HS6ST3: variants seen among roughly 807,000 people sequenced by gnomAD.
HS6ST3 encodes heparan sulfate 6-O-sulfotransferase 3, also known as heparan-sulfate 6-O-sulfotransferase 3.
Under a neutral mutation model 36.7 loss-of-function variants are expected in HS6ST3, and 12 were observed. The observed-to-expected ratio is 0.33, with a 90% confidence interval of 0.21 to 0.53. HS6ST3 has a LOEUF of 0.53. Ranked by LOEUF, HS6ST3 falls within the 20% of genes least tolerant of loss-of-function variation. The pLI is 0.95. For missense variants in HS6ST3, 584 were observed against 640.9 expected, an observed-to-expected ratio of 0.91 and a Z score of 0.96; for synonymous variants, 240 against 257.5, an observed-to-expected ratio of 0.93 and a Z score of 0.65.
intron 1 of HS6ST3, among the ~76,000 whole-genome samples, chr13:96,742,389 C>A (rs1421921202): frequency 6.6e-6 from 1 of 151,914 alleles, no homozygotes; most frequent in Non-Finnish European, 1.5e-5. Flanking sequence ...CTTTTGAATA[C>A]AAGAAAATTA....
intron 1 of HS6ST3, among the ~76,000 whole-genome samples, chr13:96,398,627 C>T (rs1400700450): frequency 2.0e-5 from 3 of 152,122 alleles, no homozygotes; most frequent in East Asian, 3.9e-4. Context: ...AGGTTGCTAT[C>T]GTAACACAAT....
At chr13:96,534,463 TGGTTGTTAG>T (rs1489457538) in intron 1 of HS6ST3, among the ~76,000 whole-genome samples, 1 of 152,220 alleles carries the variant, frequency 6.6e-6, no homozygotes, top group Non-Finnish European at 1.5e-5. Flanking sequence ...CCATCCCGTG[TGGTTGTTAG>T]GGGGTCTAAA....
chr13:96,716,712 T>A lies in HS6ST3; in HGVS notation c.708-115778T>A, dbSNP rs143980536. 1.1e-4 allele frequency among the ~76,000 whole-genome samples: 17 copies of A among 152,326 alleles called. No individual in the cohort carries two copies. In the East Asian group the frequency reaches 3.3e-3, roughly 29 times the overall value. On this transcript the variant is annotated intron_variant, in intron 1 of 1. Transcript: ENST00000376705. Reference sequence around the variant, plus strand: ...TCCATCTATATAATCTAGATATCTATCTATCTAAATATATGCCTATCTCTA... The same window carrying A: ...TCCATCTATATAATCTAGATATCTAACTATCTAAATATATGCCTATCTCTA...
chr13:96,241,117 C>A (rs1198505913), intron 1 of HS6ST3, among the ~76,000 whole-genome samples: 1 of 145,988 alleles, frequency 6.8e-6, no homozygotes, highest in Non-Finnish European at 1.5e-5. Flanking sequence ...GGTAATAAAT[C>A]TTTTTGCAAA....
At chr13:96,387,457 G>A (rs1594768981) in intron 1 of HS6ST3, among the ~76,000 whole-genome samples, 1 of 152,160 alleles carries the variant, frequency 6.6e-6, no homozygotes, top group Non-Finnish European at 1.5e-5. Context: ...AATACTTCTT[G>A]TGGAGCTATT....
chr13:96,642,439 G>A (rs1461557572), intron 1 of HS6ST3, among the ~76,000 whole-genome samples: 1 of 151,366 alleles, frequency 6.6e-6, no homozygotes, highest in Non-Finnish European at 1.5e-5. Flanking sequence ...ATCAAATTTG[G>A]AAGTTTCTGC....
chr13:96,119,326 A>T (rs1352536626), intron 1 of HS6ST3, among the ~76,000 whole-genome samples: 1 of 152,144 alleles, frequency 6.6e-6, no homozygotes, highest in East Asian at 1.9e-4. Flanking sequence ...TGATTTTTTT[A>T]AATTGGAAAA....
At chr13:96,642,106 G>A (rs1313985812) in intron 1 of HS6ST3, among the ~76,000 whole-genome samples, 1 of 151,644 alleles carries the variant, frequency 6.6e-6, no homozygotes, top group East Asian at 1.9e-4. Context: ...AGGGGGGAGG[G>A]ATGTCTTAAT....
intron 1 of HS6ST3, among the ~76,000 whole-genome samples, chr13:96,429,765 GT>G (rs2055605478): frequency 6.6e-6 from 1 of 152,180 alleles, no homozygotes; most frequent in South Asian, 2.1e-4. Flanking sequence ...TAGTCTGTAG[GT>G]TCGATAGAAA....
At chr13:96,099,919 A>G (rs1237473940) in intron 1 of HS6ST3, among the ~76,000 whole-genome samples, 1 of 152,224 alleles carries the variant, frequency 6.6e-6, no homozygotes, top group Non-Finnish European at 1.5e-5. Context: ...AAGAGCAAAC[A>G]CGGTTTGAAA....
chr13:96,591,961 G>C (rs1022151112), intron 1 of HS6ST3, among the ~76,000 whole-genome samples: 1 of 151,942 alleles, frequency 6.6e-6, no homozygotes, highest in Admixed American at 6.6e-5. Flanking sequence ...ATCATCAAAT[G>C]GTTTTGTACT....
chr13:96,335,993 T>A (rs1031912759), intron 1 of HS6ST3, among the ~76,000 whole-genome samples: 2 of 152,210 alleles, frequency 1.3e-5, no homozygotes, highest in African/African-American at 4.8e-5. Context: ...CAGTATTTTC[T>A]TAGTTATTTA....
chr13:96,647,009 C>T (rs1394285080), intron 1 of HS6ST3, among the ~76,000 whole-genome samples: 1 of 151,904 alleles, frequency 6.6e-6, no homozygotes, highest in Non-Finnish European at 1.5e-5. Flanking sequence ...AGCTGAGCTT[C>T]CCTAAGAGTG....
chr13:96,168,057 GT>G (rs2054169554), intron 1 of HS6ST3, among the ~76,000 whole-genome samples: 1 of 152,044 alleles, frequency 6.6e-6, no homozygotes, highest in Non-Finnish European at 1.5e-5. Context: ...CAGTAATATT[GT>G]GTTTCTTAAA....
At chr13:96,741,133 A>G (rs2138485013) in intron 1 of HS6ST3, among the ~76,000 whole-genome samples, 1 of 152,316 alleles carries the variant, frequency 6.6e-6, no homozygotes, top group African/African-American at 2.4e-5. Context: ...TTCTTTTAGA[A>G]AAGTGTATAA....
chr13:96,463,201 A>G (rs1400975646), intron 1 of HS6ST3, among the ~76,000 whole-genome samples: 4 of 152,194 alleles, frequency 2.6e-5, no homozygotes, highest in Admixed American at 6.5e-5. Context: ...AAGAAGCTGA[A>G]GGTAAGACAA....
intron 1 of HS6ST3, among the ~76,000 whole-genome samples, chr13:96,198,440 G>A (rs2054325365): frequency 6.6e-6 from 1 of 151,558 alleles, no homozygotes; most frequent in South Asian, 2.1e-4. Context: ...CTATCACATA[G>A]TCAGGCTGCA....
chr13:96,576,062 G>C (rs2056319427), intron 1 of HS6ST3, among the ~76,000 whole-genome samples: 1 of 152,004 alleles, frequency 6.6e-6, no homozygotes, highest in Admixed American at 6.6e-5. Context: ...AAGAGCTTTT[G>C]CATTTTCTCC....
intron 1 of HS6ST3, among the ~76,000 whole-genome samples, chr13:96,202,750 A>T (rs1057248671): frequency 6.6e-6 from 1 of 152,178 alleles, no homozygotes; most frequent in Non-Finnish European, 1.5e-5. Context: ...TCCTGCTGAG[A>T]TTCACTGGGG....
Sources: gnomAD v4.1 joint callset for allele counts (sites outside exome capture counted in the v4.1 genomes callset) on GRCh38, gnomAD v4.1.1 for gene constraint, MANE v1.5 for transcripts, NCBI Gene and HGNC (gene_info 2026-07-23, HGNC 2026-07-21) for gene names.